The following TFDP2 variants were observed in gnomAD, a reference collection of about 807,000 sequenced individuals.
TFDP2 encodes the protein transcription factor Dp-2.
In TFDP2, 17 loss-of-function variants were observed where a neutral mutation model predicts 59.3. The ratio of observed to expected loss-of-function variants is 0.29; its 90% CI spans 0.20 to 0.43. The LOEUF (loss-of-function observed/expected upper bound fraction) is 0.43. Among genes scored for constraint, TFDP2 ranks in the 20% least tolerant of loss-of-function variants. The pLI is 1.00. For missense variants in TFDP2, 391 were observed against 528.8 expected, an observed-to-expected ratio of 0.74 and a Z score of 2.56; for synonymous variants, 180 against 194.7, an observed-to-expected ratio of 0.92 and a Z score of 0.63.
At chr3:142,033,740 T>A (rs1215204806) in intron 3 of TFDP2, among the ~76,000 whole-genome samples, 1 of 152,178 alleles carries the variant, frequency 6.6e-6, no homozygotes, top group African/African-American at 2.4e-5. Context: ...AATTCAAGTA[T>A]TTGTTTAGTT....
chr3:142,129,092 T>C (rs1391859913), intron 1 of TFDP2, among the ~76,000 whole-genome samples: 1 of 152,044 alleles, frequency 6.6e-6, no homozygotes, highest in East Asian at 1.9e-4. Flanking sequence ...TTAATGCCCT[T>C]AAAGTAGACA....
intron 3 of TFDP2, among the ~76,000 whole-genome samples, chr3:142,060,183 G>C (rs879414569): frequency 6.6e-6 from 1 of 151,982 alleles, no homozygotes; most frequent in Non-Finnish European, 1.5e-5. Flanking sequence ...AGGTTATCTT[G>C]AGAGAAAGTT....
chr3:142,072,472 C>T (rs886818572), intron 3 of TFDP2, among the ~76,000 whole-genome samples: 5 of 152,140 alleles, frequency 3.3e-5, no homozygotes, highest in African/African-American at 1.2e-4. Flanking sequence ...AGAAAGGCAC[C>T]ACTCCAGTAG....
chr3:142,122,320 G>A (rs1395201609), intron 1 of TFDP2, among the ~76,000 whole-genome samples: 2 of 151,890 alleles, frequency 1.3e-5, no homozygotes, highest in Non-Finnish European at 1.5e-5. Flanking sequence ...CCAGAGACGG[G>A]GTCCTCACTG....
intron 1 of TFDP2, among the ~76,000 whole-genome samples, chr3:142,133,936 A>C (rs1033143060): frequency 1.3e-4 from 19 of 151,924 alleles, no homozygotes; most frequent in African/African-American, 4.6e-4. Flanking sequence ...CACAACTGTA[A>C]GGCAGAAGAA....
chr3:142,023,122 C>CAAAAAAAAAAAAAAAAAA (rs765096570), intron 3 of TFDP2, among the ~76,000 whole-genome samples: 11 of 59,546 alleles, frequency 1.8e-4, no homozygotes, highest in Non-Finnish European at 2.5e-4. Flanking sequence ...CCCTCCGTCT[C>CAAAAAAAAAAAAAAAAAA]AAAAAAAAAA....
At chr3:142,091,920 T>C (rs776391221) in intron 3 of TFDP2, among the ~76,000 whole-genome samples, 3 of 152,336 alleles carry the variant, frequency 2.0e-5, no homozygotes, top group Non-Finnish European at 2.9e-5. Context: ...AGCCTGGGAA[T>C]TGGGGACCTC....
chr3:142,030,034 T>A (rs1232197168), intron 3 of TFDP2, among the ~76,000 whole-genome samples: 3 of 152,262 alleles, frequency 2.0e-5, no homozygotes, highest in Non-Finnish European at 4.4e-5. Context: ...GTAAAGTATT[T>A]GGTGCTCCGT....
At chr3:142,031,332 T>C (rs541894793) in intron 3 of TFDP2, among the ~76,000 whole-genome samples, 7 of 152,302 alleles carry the variant, frequency 4.6e-5, no homozygotes, top group South Asian at 2.1e-4. Flanking sequence ...GGGCAACAAA[T>C]TGACCTGTTA....
chr3:142,144,022 A>C (rs568722947), intron 1 of TFDP2, among the ~76,000 whole-genome samples: 1 of 139,658 alleles, frequency 7.2e-6, no homozygotes, highest in African/African-American at 2.5e-5. Context: ...TAACAGATGA[A>C]TGAATAAAGA....
chr3:141,959,689 C>T lies in TFDP2; in HGVS notation c.1036G>A (p.Glu346Lys). ...GTTAACATACCTGTGATATAACCTT[C>T]TAAAGCCTTTGGCACCAGGGATTTC... Reference protein sequence around the residue: ...LAKSLVPKALEGYITDISTGP... With the variant: ...LAKSLVPKALKGYITDISTGP... Residue 346 changes from glutamate (E) to lysine (K), a missense_variant, in exon 11 of 13, where the codon GAA (glutamate) becomes AAA (lysine). Around this residue, in one of 3 missense-constraint regions of TFDP2, gnomAD observed 223 missense variants for 292.5 expected, o/e 0.76. Transcript: ENST00000489671. 1 of 1,614,184 alleles carries T rather than the reference C, an allele frequency of 6.2e-7. No individual in the cohort carries two copies. Among genetic ancestry groups the T allele is most frequent in the South Asian group, 1.1e-5 (1 of 91,082 alleles).
intron 2 of TFDP2, among the ~76,000 whole-genome samples, chr3:142,097,820 C>T (rs921723688): frequency 2.6e-5 from 4 of 152,142 alleles, no homozygotes; most frequent in African/African-American, 7.2e-5. Context: ...TTTATAGTCC[C>T]TATTGCCCAG....
chr3:141,993,277 T>C (rs1206099203), intron 6 of TFDP2, among the ~76,000 whole-genome samples: 1 of 152,144 alleles, frequency 6.6e-6, no homozygotes. Context: ...GATAGAACTC[T>C]TCATTTACCA....
chr3:141,992,102 G>A (rs1576610447), intron 6 of TFDP2, among the ~76,000 whole-genome samples: 2 of 140,366 alleles, frequency 1.4e-5, no homozygotes, highest in Admixed American at 7.2e-5. Flanking sequence ...AGGAAAGAAA[G>A]AAAGAAGAAA....
At position 142,005,284 on chromosome 3, in the gene TFDP2, C is replaced by G. The variant is rs1477979366; in HGVS notation, c.186+157G>C. 6.6e-5 allele frequency among the ~76,000 whole-genome samples: 10 copies of G among 152,232 alleles called. No homozygotes were observed. The East Asian group carries it at 1.9e-3, about 29-fold the overall frequency. On this transcript the variant is annotated intron_variant, in intron 4 of 12. Coordinates refer to ENST00000489671, the MANE Select transcript of TFDP2 (RefSeq NM_001178139.2). ...GAACTCCTGGGCTCAAGTGATCCAC[C>G]TGCCTCGGCCTCCCAAAGTGTTGGG...
At chr3:142,079,792 C>A (rs1421826745) in intron 3 of TFDP2, among the ~76,000 whole-genome samples, 2 of 152,036 alleles carry the variant, frequency 1.3e-5, no homozygotes, top group Non-Finnish European at 2.9e-5. Flanking sequence ...GTATATCCAG[C>A]AAAAATATCC....
chr3:142,070,594 A>G (rs1406227555), intron 3 of TFDP2, among the ~76,000 whole-genome samples: 3 of 152,224 alleles, frequency 2.0e-5, no homozygotes, highest in Admixed American at 2.0e-4. Context: ...GTGTAATTTT[A>G]AAGTACATAT....
intron 8 of TFDP2, among the ~76,000 whole-genome samples, chr3:141,973,121 ATATT>A (rs1337885062): frequency 0.031 from 1,750 of 57,290 alleles, 55 homozygotes; most frequent in African/African-American, 0.097. Context: ...ATATATATAT[ATATT>A]TTTTTTTTTT....
At chr3:141,991,089 T>C (rs932065628) in intron 6 of TFDP2, among the ~76,000 whole-genome samples, 1 of 152,106 alleles carries the variant, frequency 6.6e-6, no homozygotes, top group African/African-American at 2.4e-5. Context: ...ACCCCACTAA[T>C]ATACTATGGT....
Sources: allele counts gnomAD v4.1 joint callset (sites outside exome capture counted in the v4.1 genomes callset), GRCh38; gene constraint gnomAD v4.1.1; regional missense constraint gnomAD v4.1.1; transcripts MANE v1.5; gene names NCBI Gene and HGNC (gene_info 2026-07-23, HGNC 2026-07-21).